Variants in SLC8A2 observed in about 807,000 individuals in gnomAD.
The protein encoded by SLC8A2 is solute carrier family 8 member A2.
SLC8A2 carries 14 observed loss-of-function variants against 70.2 expected under a neutral mutation model. The ratio of observed to expected loss-of-function variants is 0.20; its 90% CI spans 0.13 to 0.31. SLC8A2 has a LOEUF of 0.31. Ranked by LOEUF, SLC8A2 falls within the 10% of genes least tolerant of loss-of-function variation. The pLI is 1.00. For missense variants in SLC8A2, 779 were observed against 1,320.1 expected (o/e 0.59, Z 6.35); for synonymous variants, 575 against 594.3 (o/e 0.97, Z 0.47).
rs1555748491 is a variant in SLC8A2, at chr19:47,447,241, T to C, written c.1763+568A>G. Among the ~76,000 whole-genome samples the C allele has an allele frequency of 6.6e-6, 1 of 151,268 alleles. No homozygotes were observed. Among genetic ancestry groups the C allele is most frequent in the Non-Finnish European group, 1.5e-5 (1 of 67,858 alleles). On this transcript the variant is annotated intron_variant, in intron 4 of 9. Transcript: ENST00000236877. The surrounding 1 kb of genome is among the most constrained non-coding windows in gnomAD (Gnocchi z 5.1). ...TATGTCCAAACCCAGACCCCACCTA[T>C]CGCCCTGGACCCGCCCCCTCTCCAC...
rs184959760 is a variant in SLC8A2 at position 47,459,530 on chromosome 19, G to A, written c.676-1936C>T. On this transcript the variant is annotated intron_variant, in intron 2 of 9. Coordinates refer to ENST00000236877, the MANE Select transcript of SLC8A2 (RefSeq NM_015063.3). Reference sequence around the variant, plus strand: ...TCTCTGTGTGTGTGCACGTGCGTGCGCGTGTGTGCGCATGTGTGAGCGTAT... The same window carrying A: ...TCTCTGTGTGTGTGCACGTGCGTGCACGTGTGTGCGCATGTGTGAGCGTAT... 4.7e-4 allele frequency among the ~76,000 whole-genome samples: 71 copies of A among 151,864 alleles called. No homozygotes were observed. The South Asian group carries it at 5.4e-3, about 12-fold the overall frequency.
At position 47,457,749 on chromosome 19, in the gene SLC8A2, TC is replaced by T. The variant is rs1447325894; in HGVS notation, c.676-156del. On this transcript the variant is annotated intron_variant, in intron 2 of 9. Transcript: ENST00000236877. ...TCTCCCTATCCCTTTCTGTTTCTTT[TC>T]TTTCTTTCTTTCTTTCCTTTCTTTC... is the stretch of plus-strand genomic sequence containing the variant. Among the ~76,000 whole-genome samples, 355 of 150,862 alleles carry T rather than the reference TC, an allele frequency of 2.4e-3. 7 individuals are homozygous for T. The South Asian group carries it at 0.044, about 19-fold the overall frequency.
rs181575126 is a variant in SLC8A2 at position 47,459,664 on chromosome 19, T to C, written c.676-2070A>G. On this transcript the variant is annotated intron_variant, in intron 2 of 9. Coordinates refer to ENST00000236877, the MANE Select transcript of SLC8A2 (RefSeq NM_015063.3). ...GTCCATCTGTGTGTGTGTCCTTCTG[T>C]GTGTGTGCATGTGTGTGTGTGCATG... 5.0e-3 allele frequency among the ~76,000 whole-genome samples: 750 copies of C among 151,416 alleles called. 12 individuals are homozygous for C. Among genetic ancestry groups the C allele is most frequent in the Non-Finnish European group, 7.0e-3 (474 of 67,796 alleles).
At chr19:47,433,257 CCA>C (rs1966986476) in intron 8 of SLC8A2, among the ~76,000 whole-genome samples, 1 of 152,146 alleles carries the variant, frequency 6.6e-6, no homozygotes, top group African/African-American at 2.4e-5. Flanking sequence ...CTAACCAGAG[CCA>C]CAGTCTCCAC....
rs958188255 is a variant in SLC8A2, at chr19:47,466,409, GT to G, written c.-7del. On this transcript the variant is annotated 5_prime_UTR_variant, in exon 2 of 10. Transcript: ENST00000236877. This position sits in a 1 kb window ranked among gnomAD's most constrained non-coding sequence, Gnocchi z 6.9. Reference sequence around the variant, plus strand: ...ACCAAGGCCAGGGGAGCCATGGGGGGTGGTGGGGTCCTATGGGGGAGGAGGA... The same window carrying G: ...ACCAAGGCCAGGGGAGCCATGGGGGGGGTGGGGTCCTATGGGGGAGGAGGA... 7.5e-7 allele frequency: 1 copy of G among 1,329,332 alleles called. No individual in the cohort carries two copies. Among genetic ancestry groups the G allele is most frequent in the African/African-American group, 1.5e-5 (1 of 67,678 alleles). 82.3% of individuals were successfully genotyped at this position (1,329,332 alleles called of 1,614,324 possible). A position where few individuals can be genotyped will look rare whatever the true frequency, so the allele number is the denominator to read the frequency against.
Position 47,449,409 on chromosome 19 carries a change from C to T in SLC8A2, c.1341-1178G>A, listed in dbSNP as rs546458444. On this transcript the variant is annotated intron_variant, in intron 3 of 9. Coordinates refer to ENST00000236877, the MANE Select transcript of SLC8A2 (RefSeq NM_015063.3). ...TCCATCTTGGCTCACTGCAACCTCC[C>T]CTCCCGGGTTCAAGGGATTCTCCCA... Among the ~76,000 whole-genome samples, 7 of 152,128 alleles carry T rather than the reference C, an allele frequency of 4.6e-5. No individual in the cohort carries two copies. In the South Asian group the frequency reaches 6.2e-4, roughly 14 times the overall value.
Position 47,430,039 on chromosome 19 carries a change from C to T in SLC8A2, c.*50G>A, listed in dbSNP as rs370387837. 5.2e-5 allele frequency: 80 copies of T among 1,526,930 alleles called. No homozygotes were observed. The East Asian group carries it at 1.7e-3, about 33-fold the overall frequency. 94.6% of individuals were successfully genotyped at this position (1,526,930 alleles called of 1,614,324 possible). On this transcript the variant is annotated 3_prime_UTR_variant, in exon 10 of 10. Coordinates refer to ENST00000236877, the MANE Select transcript of SLC8A2 (RefSeq NM_015063.3). This position sits in a 1 kb window ranked among gnomAD's most constrained non-coding sequence, Gnocchi z 5.9. ...ACCAGGGTCCAAGAGCAGGTGCAGC[C>T]GAGTCCCTAGCCCCGGGCGGGCGGT...
chr19:47,437,810 C>T (rs771342387), intron 7 of SLC8A2, 39 bp downstream of exon 7: 17 of 1,612,914 alleles, frequency 1.1e-5, no homozygotes, highest in Non-Finnish European at 1.4e-5. Context: ...GGAAATGAAC[C>T]AGGCTGGACT....
Position 47,466,222 on chromosome 19 carries a change from T to C in SLC8A2, c.182A>G (p.Asp61Gly), listed in dbSNP as rs1235441115. ...PGVLLPVWEP[D>G]DPSLGDKAAR... ...CGCCTTGTCACCCAGCGACGGGTCGTCGGGCTCCCACACGGGCAGCAGCAC... is the reference window on the plus strand; with the variant it reads ...CGCCTTGTCACCCAGCGACGGGTCGCCGGGCTCCCACACGGGCAGCAGCAC... The change falls in exon 2 of 10, where the codon GAC becomes GGC. Residue 61 changes from aspartate (D) to glycine (G), a missense_variant. Asp to Gly is a moderately conservative substitution (Grantham distance 94). Coordinates refer to ENST00000236877, the MANE Select transcript of SLC8A2 (RefSeq NM_015063.3). This position sits in a 1 kb window ranked among gnomAD's most constrained non-coding sequence, Gnocchi z 6.9. 1 of 1,609,278 alleles carries C rather than the reference T, an allele frequency of 6.2e-7. No homozygotes were observed. The highest frequency in any genetic ancestry group is 1.7e-5 in the Admixed American group (1 of 59,876).
intron 1 of SLC8A2, among the ~76,000 whole-genome samples, chr19:47,469,693 T>C: frequency 6.6e-6 from 1 of 152,122 alleles, no homozygotes; most frequent in East Asian, 1.9e-4. Flanking sequence ...GACCGTGGGC[T>C]CCCTCTGCTC....
intron 7 of SLC8A2, 129 bp downstream of exon 7, chr19:47,437,720 G>C (rs778129304): frequency 5.7e-6 from 7 of 1,224,200 alleles, no homozygotes; most frequent in Non-Finnish European, 8.3e-6. Flanking sequence ...GGCATGTGCT[G>C]TCCGTGGTCC....
Position 47,457,356 on chromosome 19 carries a change from G to A in SLC8A2, c.914C>T (p.Ala305Val), listed in dbSNP as rs1967319691. The change falls in exon 3 of 10, where the codon GCG (alanine) becomes GTG (valine). Residue 305 changes from alanine to valine, a missense_variant. Around this residue, in one of 6 missense-constraint regions of SLC8A2, gnomAD observed 186 missense variants for 246.6 expected, o/e 0.75. Transcript: ENST00000236877. Reference protein sequence around the residue: ...LGGLGPGPAEARELDASRREV... With the variant: ...LGGLGPGPAEVRELDASRREV... ...GCGGCGGCTGGCGTCCAGCTCGCGC[G>A]CCTCGGCGGGGCCCGGGCCCAGGCC... 7.1e-6 allele frequency: 11 copies of A among 1,542,486 alleles called. No individual in the cohort carries two copies. Among genetic ancestry groups the A allele is most frequent in the South Asian group, 1.2e-5 (1 of 82,876 alleles).
chr19:47,457,672 G>C, intron 2 of SLC8A2, 78 bp from the exon 3 acceptor site: 2 of 960,428 alleles, frequency 2.1e-6, no homozygotes, highest in Non-Finnish European at 1.5e-6. Flanking sequence ...GTCTCTGTCC[G>C]CCTCTGCCAC....
Position 47,466,044 on chromosome 19 carries a change from G to A in SLC8A2, c.360C>T (p.Thr120=), listed in dbSNP as rs149309435. ...ACACCGTCTCATTCCAGATGCGAAC[G>A]GTGCCCACGCTGGTCTCACCGTTGG... ...TKANGETSVG[T]VRIWNETVSN... is the part of the protein sequence containing the mutation. Residue 120 remains threonine (T), a synonymous_variant, in exon 2 of 10, where the codon ACC becomes ACT. Coordinates refer to ENST00000236877, the MANE Select transcript of SLC8A2 (RefSeq NM_015063.3). This position sits in a 1 kb window ranked among gnomAD's most constrained non-coding sequence, Gnocchi z 6.9. 25 of 1,614,056 alleles carry A rather than the reference G, an allele frequency of 1.5e-5. No individual in the cohort carries two copies. The highest frequency in any genetic ancestry group is 1.7e-5 in the Non-Finnish European group (20 of 1,180,042).
intron 2 of SLC8A2, among the ~76,000 whole-genome samples, chr19:47,461,981 C>G (rs1248656628): frequency 6.6e-6 from 1 of 152,146 alleles, no homozygotes; most frequent in Non-Finnish European, 1.5e-5. Context: ...GCCATCATCA[C>G]TAGGGAGGGG....
rs1967494240 is a variant in SLC8A2, at chr19:47,468,718, G to A, written c.-16-2299C>T. On this transcript the variant is annotated intron_variant, in intron 1 of 9. Transcript: ENST00000236877. This position sits in a 1 kb window ranked among gnomAD's most constrained non-coding sequence, Gnocchi z 5.1. Reference sequence around the variant, plus strand: ...CTGGGGAGCACCCCTCCATTCCACAGGTGAGAGGACCAAGGCGCAGAGAGG... The same window carrying A: ...CTGGGGAGCACCCCTCCATTCCACAAGTGAGAGGACCAAGGCGCAGAGAGG... Among the ~76,000 whole-genome samples the A allele has an allele frequency of 6.6e-6, 1 of 152,140 alleles. No individual in the cohort carries two copies. Among genetic ancestry groups the A allele is most frequent in the Non-Finnish European group, 1.5e-5 (1 of 68,038 alleles).
chr19:47,431,657 C>CAAA (rs774813485), intron 9 of SLC8A2, among the ~76,000 whole-genome samples: 4 of 47,274 alleles, frequency 8.5e-5, no homozygotes, highest in Admixed American at 5.0e-4. Flanking sequence ...GTCCCCACAC[C>CAAA]AAAAAAAAAA....
rs145658226 is a variant in SLC8A2, at chr19:47,461,617, C to T, written c.676-4023G>A. On this transcript the variant is annotated intron_variant, in intron 2 of 9. Transcript: ENST00000236877. ...CTGTGTTTACTGCTGGCTCAGAGAA[C>T]AGTCAAGACTTGCAAATAGTAAAAC... Among the ~76,000 whole-genome samples the T allele has an allele frequency of 3.2e-4, 49 of 152,344 alleles. No individual in the cohort carries two copies. The East Asian group carries it at 9.4e-3, about 29-fold the overall frequency.
At chr19:47,463,710 C>A (rs1599859766) in intron 2 of SLC8A2, among the ~76,000 whole-genome samples, 2 of 150,502 alleles carry the variant, frequency 1.3e-5, no homozygotes, top group Non-Finnish European at 3.0e-5. Context: ...AAATAGAAAT[C>A]TTTTCTTTAT....
Sources: gnomAD v4.1 joint callset for allele counts (sites outside exome capture counted in the v4.1 genomes callset) on GRCh38, gnomAD v4.1.1 for gene constraint, gnomAD v4.1.1 regional missense constraint, Gnocchi (gnomAD v3.1) non-coding constraint, MANE v1.5 for transcripts, NCBI Gene and HGNC (gene_info 2026-07-23, HGNC 2026-07-21) for gene names.